RAB7A: variants seen among roughly 807,000 people sequenced by gnomAD.
RAB7A encodes the protein RAB7A, member RAS oncogene family, also known as ras-related protein Rab-7a.
In RAB7A, 2 loss-of-function variants were observed where a neutral mutation model predicts 24.5. The observed-to-expected ratio is 0.08, with a 90% CI of 0.03 to 0.26. RAB7A has a LOEUF of 0.26. RAB7A is among the 10% of genes least tolerant of loss of function. The probability of loss-of-function intolerance (pLI) is 1.00; values close to 1 mark genes in which losing one functional copy is unlikely to be tolerated. For missense variants in RAB7A, 118 were observed against 255.7 expected (o/e 0.46, Z 3.67); for synonymous variants, 100 against 95.9 (o/e 1.04, Z -0.25).
intron 1 of RAB7A, among the ~76,000 whole-genome samples, chr3:128,784,276 C>T (rs1258379209): frequency 1.3e-5 from 2 of 152,196 alleles, no homozygotes; most frequent in African/African-American, 4.8e-5. Context: ...TCTAAGAAAT[C>T]CTCTTGGTCC....
chr3:128,774,717 C>T (rs900312470), intron 1 of RAB7A, among the ~76,000 whole-genome samples: 8 of 152,124 alleles, frequency 5.3e-5, no homozygotes, highest in East Asian at 1.9e-4. Flanking sequence ...GGACCACAGG[C>T]GCCCGCCACC....
Position 128,806,363 on chromosome 3 carries a change from C to G in RAB7A, c.181-9C>G. The G allele has an allele frequency of 1.2e-6, 2 of 1,601,456 alleles. No individual in the cohort carries two copies. Among genetic ancestry groups the G allele is most frequent in the Non-Finnish European group, 1.7e-6 (2 of 1,169,860 alleles). The stretch of plus-strand genomic sequence containing the variant: ...TTCTCCCAAGGAATGAATGTTTTGT[C>G]TCTCACAGATATGGGACACAGCAGG... On this transcript the variant is annotated splice_polypyrimidine_tract_variant and intron_variant, in intron 3 of 5. Coordinates refer to ENST00000265062, the MANE Select transcript of RAB7A (RefSeq NM_004637.6).
chr3:128,734,188 G>A (rs2070467063), intron 1 of RAB7A, among the ~76,000 whole-genome samples: 1 of 152,106 alleles, frequency 6.6e-6, no homozygotes, highest in South Asian at 2.1e-4. Context: ...CCAGCACTTT[G>A]GGAGACCGAG....
intron 3 of RAB7A, among the ~76,000 whole-genome samples, chr3:128,800,609 G>A (rs1233986736): frequency 2.6e-5 from 4 of 152,136 alleles, no homozygotes; most frequent in South Asian, 2.1e-4. Flanking sequence ...AAAGAAAAAG[G>A]CTTAAAAATA....
chr3:128,774,095 A>G (rs1274486738), intron 1 of RAB7A, among the ~76,000 whole-genome samples: 4 of 142,226 alleles, frequency 2.8e-5, no homozygotes, highest in Admixed American at 2.8e-4. Context: ...AAAAAAAAAA[A>G]GAAAAAAAAT....
intron 1 of RAB7A, among the ~76,000 whole-genome samples, chr3:128,769,640 A>G (rs1339368109): frequency 3.3e-5 from 5 of 152,320 alleles, no homozygotes; most frequent in East Asian, 1.9e-4. Context: ...ATGAAGTCCA[A>G]TTTGTCAATC....
In RAB7A at chr3:128,755,483, A is replaced by G. The variant is rs1408633538; in HGVS notation, c.-9+29124A>G. Among the ~76,000 whole-genome samples, 3 of 152,172 alleles carry G rather than the reference A, an allele frequency of 2.0e-5. No individual in the cohort carries two copies. The South Asian group carries it at 6.2e-4, about 32-fold the overall frequency. ...AACAACAAACTCAAAGCTAGCAGAAAGAAGGAACTAATACAGTAGAGATAA... is the reference window on the plus strand; with the variant it reads ...AACAACAAACTCAAAGCTAGCAGAAGGAAGGAACTAATACAGTAGAGATAA... On this transcript the variant is annotated intron_variant, in intron 1 of 5. Transcript: ENST00000265062.
chr3:128,744,305 A>G (rs1405998969), intron 1 of RAB7A, among the ~76,000 whole-genome samples: 2 of 152,212 alleles, frequency 1.3e-5, no homozygotes, highest in East Asian at 1.9e-4. Context: ...GCATAAAAGT[A>G]CAATAACTGA....
intron 1 of RAB7A, among the ~76,000 whole-genome samples, chr3:128,728,721 G>A (rs772384667): frequency 3.3e-5 from 5 of 152,068 alleles, no homozygotes; most frequent in Admixed American, 2.0e-4. Flanking sequence ...CTCGGCCTCC[G>A]AAAAGTGCTG....
chr3:128,743,765 C>G (rs182798654), intron 1 of RAB7A, among the ~76,000 whole-genome samples: 1 of 150,836 alleles, frequency 6.6e-6, no homozygotes, highest in Non-Finnish European at 1.5e-5. Context: ...TCAGCCTATT[C>G]AACATGACAA....
chr3:128,769,048 A>G (rs1417105556), intron 1 of RAB7A, among the ~76,000 whole-genome samples: 2 of 124,324 alleles, frequency 1.6e-5, no homozygotes, highest in Non-Finnish European at 3.1e-5. Flanking sequence ...GTACACCACC[A>G]CACCCAGCTG....
chr3:128,787,210 G>A (rs1043029767), intron 1 of RAB7A, among the ~76,000 whole-genome samples: 2 of 152,152 alleles, frequency 1.3e-5, no homozygotes, highest in Non-Finnish European at 2.9e-5. Flanking sequence ...CAGGCAACTT[G>A]GAAACACCAA....
intron 1 of RAB7A, among the ~76,000 whole-genome samples, chr3:128,739,519 A>C (rs1201624731): frequency 3.3e-5 from 5 of 152,048 alleles, no homozygotes; most frequent in African/African-American, 1.2e-4. Flanking sequence ...TCTCAAAAAA[A>C]AAAAAAAGTC....
intron 1 of RAB7A, among the ~76,000 whole-genome samples, chr3:128,758,488 G>A (rs2070750264): frequency 6.6e-6 from 1 of 151,716 alleles, no homozygotes; most frequent in Non-Finnish European, 1.5e-5. Flanking sequence ...TGTTAGCCAG[G>A]ATGGTCTCGG....
chr3:128,797,741 C>G lies in RAB7A; in HGVS notation c.54-202C>G, dbSNP rs557297038. Among the ~76,000 whole-genome samples the G allele has an allele frequency of 7.2e-5, 11 of 152,350 alleles. No homozygotes were observed. In the South Asian group the frequency reaches 2.3e-3, roughly 32 times the overall value. On this transcript the variant is annotated intron_variant, in intron 2 of 5. Coordinates refer to ENST00000265062, the MANE Select transcript of RAB7A (RefSeq NM_004637.6). ...CAGCTTTTCCACATCTGCCCCACATCTGTACCCTATATTTTTACCCAGAGA... is the reference window on the plus strand; with the variant it reads ...CAGCTTTTCCACATCTGCCCCACATGTGTACCCTATATTTTTACCCAGAGA...
intron 1 of RAB7A, among the ~76,000 whole-genome samples, chr3:128,742,406 C>T (rs1354007247): frequency 1.3e-5 from 2 of 152,154 alleles, no homozygotes; most frequent in Non-Finnish European, 2.9e-5. Context: ...CCCATGCTGG[C>T]TCGGGCAGCC....
chr3:128,768,100 C>G (rs1332807947), intron 1 of RAB7A, among the ~76,000 whole-genome samples: 1 of 152,186 alleles, frequency 6.6e-6, no homozygotes, highest in African/African-American at 2.4e-5. Flanking sequence ...CCTTACCCCT[C>G]TCCAGGTAAC....
Position 128,813,610 on chromosome 3 carries a change from C to T in RAB7A, c.*188C>T, listed in dbSNP as rs1009850056. 2.1e-5 allele frequency: 13 copies of T among 614,144 alleles called. No homozygotes were observed. Among genetic ancestry groups the T allele is most frequent in the South Asian group, 1.7e-4 (10 of 60,006 alleles). 38.0% of individuals were successfully genotyped at this position (614,144 alleles called of 1,614,324 possible). On this transcript the variant is annotated 3_prime_UTR_variant, in exon 6 of 6. Transcript: ENST00000265062. The stretch of plus-strand genomic sequence containing the variant: ...TCACACACACACACACACGCACACA[C>T]ACACACACAGATCTGACGTAATCAA...
intron 1 of RAB7A, among the ~76,000 whole-genome samples, chr3:128,754,483 A>G (rs2070713230): frequency 6.6e-6 from 1 of 152,242 alleles, no homozygotes; most frequent in Non-Finnish European, 1.5e-5. Flanking sequence ...AACACAAAAT[A>G]AGATAATAAT....
Sources: allele counts gnomAD v4.1 joint callset (sites outside exome capture counted in the v4.1 genomes callset), GRCh38; gene constraint gnomAD v4.1.1; transcripts MANE v1.5; gene names NCBI Gene and HGNC (gene_info 2026-07-23, HGNC 2026-07-21).